Variants in ZBTB7C observed in about 807,000 individuals in gnomAD.
ZBTB7C encodes the protein zinc finger and BTB domain containing 7C.
In ZBTB7C, 8 loss-of-function variants were observed where a neutral mutation model predicts 25.7. That is an observed-to-expected ratio of 0.31 (90% CI 0.18 to 0.56). ZBTB7C has a LOEUF of 0.56. Among genes scored for constraint, ZBTB7C ranks in the 20% least tolerant of loss-of-function variants. The probability of loss-of-function intolerance (pLI) is 0.91; values close to 1 mark genes in which losing one functional copy is unlikely to be tolerated. For synonymous variants in ZBTB7C, 394 were observed against 369.0 expected (o/e 1.07, Z -0.78); for missense variants, 824 against 855.2 (o/e 0.96, Z 0.46).
intron 1 of ZBTB7C, among the ~76,000 whole-genome samples, chr18:48,394,046 A>C (rs571095940): frequency 6.6e-6 from 1 of 152,116 alleles, no homozygotes; most frequent in Non-Finnish European, 1.5e-5. Flanking sequence ...AAGTATTTCT[A>C]TCACAGCCAT....
chr18:48,142,846 C>T (rs1395546510), intron 3 of ZBTB7C, among the ~76,000 whole-genome samples: 4 of 152,076 alleles, frequency 2.6e-5, no homozygotes, highest in African/African-American at 9.7e-5. Flanking sequence ...CTCTTCCTTC[C>T]TGTTCACCTT....
intron 3 of ZBTB7C, among the ~76,000 whole-genome samples, chr18:48,118,686 T>C (rs1489346597): frequency 1.3e-5 from 2 of 152,182 alleles, no homozygotes; most frequent in African/African-American, 2.4e-5. Flanking sequence ...CGTGAGTGAA[T>C]AGTATGCGAC....
chr18:48,299,817 A>G (rs2045499034), intron 2 of ZBTB7C, among the ~76,000 whole-genome samples: 1 of 152,208 alleles, frequency 6.6e-6, no homozygotes, highest in African/African-American at 2.4e-5. Flanking sequence ...TGTGACATCT[A>G]TTTTCCTGCA....
intron 3 of ZBTB7C, among the ~76,000 whole-genome samples, chr18:48,070,243 C>T (rs1350255429): frequency 6.6e-6 from 1 of 152,230 alleles, no homozygotes; most frequent in Non-Finnish European, 1.5e-5. Flanking sequence ...AATGAGTTCA[C>T]AGCCTAGTGA....
intron 3 of ZBTB7C, among the ~76,000 whole-genome samples, chr18:48,047,866 C>T (rs2036534366): frequency 6.6e-6 from 1 of 152,226 alleles, no homozygotes; most frequent in Non-Finnish European, 1.5e-5. Context: ...AGATTTTTAT[C>T]AGCACCTCCA....
chr18:48,396,680 C>A (rs1367664176), intron 1 of ZBTB7C, among the ~76,000 whole-genome samples: 1 of 152,182 alleles, frequency 6.6e-6, no homozygotes, highest in African/African-American at 2.4e-5. Context: ...ACAGCCTAAT[C>A]GTTACACAAG....
At chr18:48,201,531 T>C (rs2042447348) in intron 2 of ZBTB7C, among the ~76,000 whole-genome samples, 1 of 151,940 alleles carries the variant, frequency 6.6e-6, no homozygotes, top group Non-Finnish European at 1.5e-5. Flanking sequence ...GCATTCGATT[T>C]TCCACACATC....
intron 2 of ZBTB7C, among the ~76,000 whole-genome samples, chr18:48,333,716 G>C (rs143896698): frequency 6.6e-6 from 1 of 152,314 alleles, no homozygotes; most frequent in African/African-American, 2.4e-5. Context: ...GGGCCCAGGA[G>C]AGCCAGCAGG....
chr18:48,099,393 G>A (rs1462011052), intron 3 of ZBTB7C, among the ~76,000 whole-genome samples: 1 of 152,260 alleles, frequency 6.6e-6, no homozygotes, highest in Non-Finnish European at 1.5e-5. Flanking sequence ...AGTGCTGAAA[G>A]TTACTGAAAC....
chr18:48,181,248 T>C (rs78381525), intron 3 of ZBTB7C, among the ~76,000 whole-genome samples: 2 of 152,260 alleles, frequency 1.3e-5, no homozygotes, highest in East Asian at 3.9e-4. Flanking sequence ...ATGCTGTTCA[T>C]ATGAATGACA....
chr18:48,236,360 T>C (rs2043377847), intron 2 of ZBTB7C, among the ~76,000 whole-genome samples: 1 of 152,186 alleles, frequency 6.6e-6, no homozygotes, highest in Admixed American at 6.5e-5. Flanking sequence ...TCTCAGAAAC[T>C]TGGAACAGGG....
chr18:48,145,101 G>A (rs1398154923), intron 3 of ZBTB7C, among the ~76,000 whole-genome samples: 1 of 152,074 alleles, frequency 6.6e-6, no homozygotes, highest in Non-Finnish European at 1.5e-5. Context: ...TTGTTGGGGA[G>A]AAGTCATTAG....
intron 2 of ZBTB7C, among the ~76,000 whole-genome samples, chr18:48,326,524 C>G (rs2046224218): frequency 6.6e-6 from 1 of 151,968 alleles, no homozygotes; most frequent in South Asian, 2.1e-4. Context: ...GGAAATGACC[C>G]AAGTCGGTCC....
At chr18:48,202,980 G>T (rs2042490851) in intron 2 of ZBTB7C, among the ~76,000 whole-genome samples, 1 of 151,810 alleles carries the variant, frequency 6.6e-6, no homozygotes, top group South Asian at 2.1e-4. Context: ...CTCTTACCCT[G>T]CTTGCCATTC....
rs200699954 is a variant in ZBTB7C at position 48,039,869 on chromosome 18, G to A, written c.1208+31C>T. 339 of 1,602,900 alleles carry A rather than the reference G, an allele frequency of 2.1e-4. No individual in the cohort carries two copies. The African/African-American group carries it at 2.9e-3, about 14-fold the overall frequency. On this transcript the variant is annotated intron_variant, in intron 4 of 4. Transcript: ENST00000590800. ...GCTGTCCCCCATGGCCTCTGGCCCCGTGCCCCACACCCGAGGGCTGCCATG... is the reference window on the plus strand; with the variant it reads ...GCTGTCCCCCATGGCCTCTGGCCCCATGCCCCACACCCGAGGGCTGCCATG...
At chr18:48,120,583 C>T (rs2039595162) in intron 3 of ZBTB7C, among the ~76,000 whole-genome samples, 1 of 151,992 alleles carries the variant, frequency 6.6e-6, no homozygotes, top group Non-Finnish European at 1.5e-5. Flanking sequence ...GCACTCCAGC[C>T]TGGTGACAGA....
At chr18:48,115,759 G>A (rs2039416506) in intron 3 of ZBTB7C, among the ~76,000 whole-genome samples, 1 of 152,056 alleles carries the variant, frequency 6.6e-6, no homozygotes, top group African/African-American at 2.4e-5. Context: ...TGGAATTGCT[G>A]GGTCACATGG....
intron 2 of ZBTB7C, among the ~76,000 whole-genome samples, chr18:48,205,919 C>G (rs1599100117): frequency 1.3e-5 from 2 of 152,114 alleles, no homozygotes; most frequent in East Asian, 3.9e-4. Flanking sequence ...CTGTCCCTTG[C>G]CACAATTAAA....
Position 48,040,652 on chromosome 18 carries a change from C to G in ZBTB7C, c.456G>C (p.Glu152Asp), listed in dbSNP as rs772730774. The change falls in exon 4 of 5, where the codon GAG becomes GAC. Residue 152 changes from glutamate (E) to aspartate (D), a missense_variant. Glu to Asp is a conservative substitution (Grantham distance 45). Around this residue, in one of 4 missense-constraint regions of ZBTB7C, gnomAD observed 316 missense variants for 299.2 expected, o/e 1.06. Coordinates refer to ENST00000590800, the MANE Select transcript of ZBTB7C (RefSeq NM_001318841.2). ...CCTCTTCCTCCTCCTCCTCTTCGTC[C>G]TCCTCATCATCATCATCTTCGTCGT... is the stretch of plus-strand genomic sequence containing the variant. Reference protein sequence around the residue: ...DDDDEDDDDEEDEEEEEEEEE... With the variant: ...DDDDEDDDDEDDEEEEEEEEE... 16 of 1,613,442 alleles carry G rather than the reference C, an allele frequency of 9.9e-6. No homozygotes were observed. The highest frequency in any genetic ancestry group is 2.2e-5 in the East Asian group (1 of 44,860).
Sources: allele counts gnomAD v4.1 joint callset (sites outside exome capture counted in the v4.1 genomes callset), GRCh38; gene constraint gnomAD v4.1.1; regional missense constraint gnomAD v4.1.1; transcripts MANE v1.5; gene names NCBI Gene and HGNC (gene_info 2026-07-23, HGNC 2026-07-21).